Variants in PDE12 observed in about 807,000 individuals in gnomAD.
PDE12 encodes the protein 2',5'-phosphodiesterase 12.
Under a neutral mutation model 45.4 loss-of-function variants are expected in PDE12, and 26 were observed. That is an observed-to-expected ratio of 0.57 (90% confidence interval 0.42 to 0.79). PDE12 has a LOEUF of 0.79. Among genes scored for constraint, PDE12 ranks in the 30% least tolerant of loss-of-function variants. The pLI is 0.00. For missense variants in PDE12, 668 were observed against 790.0 expected, an observed-to-expected ratio of 0.85 and a Z score of 1.85; for synonymous variants, 283 against 323.9, an observed-to-expected ratio of 0.87 and a Z score of 1.36.
At chr3:57,593,374 A>G in the PDE12 span, among the ~76,000 whole-genome samples, 2 of 152,210 alleles carry the variant, frequency 1.3e-5, no homozygotes, top group Non-Finnish European at 2.9e-5. Context: ...TTACATAAAT[A>G]GATGGATTTA....
the PDE12 span, among the ~76,000 whole-genome samples, chr3:57,607,470 G>A: frequency 6.6e-5 from 10 of 152,060 alleles, no homozygotes; most frequent in Non-Finnish European, 1.0e-4. Flanking sequence ...TCAAACCCAC[G>A]CAAAGAAGTA....
At chr3:57,584,930 C>G in the PDE12 span, among the ~76,000 whole-genome samples, 1 of 152,164 alleles carries the variant, frequency 6.6e-6, no homozygotes, top group Non-Finnish European at 1.5e-5. Context: ...GTGGCATGAT[C>G]TCAGCTCACT....
chr3:57,558,732 C>T (rs977432422), intron 1 of PDE12, among the ~76,000 whole-genome samples: 4 of 151,114 alleles, frequency 2.6e-5, no homozygotes, highest in African/African-American at 7.2e-5. Flanking sequence ...CCTCGTGATC[C>T]GCCCGCCTCA....
At chr3:57,652,140 G>A in the PDE12 span, among the ~76,000 whole-genome samples, 22 of 152,182 alleles carry the variant, frequency 1.4e-4, no homozygotes, top group African/African-American at 3.1e-4. Flanking sequence ...GTTCTTGAGC[G>A]CGGACTGGAT....
the PDE12 span, chr3:57,596,782 A>T: frequency 3.0e-6 from 1 of 334,380 alleles, no homozygotes; most frequent in African/African-American, 2.2e-5. Context: ...GGCTTTCCCC[A>T]CATCTCTGCC....
At chr3:57,568,314 G>A (rs567428983), downstream of PDE12, among the ~76,000 whole-genome samples, 38 of 151,742 alleles carry the variant, frequency 2.5e-4, no homozygotes, top group African/African-American at 8.9e-4. Flanking sequence ...AATTAGCCAA[G>A]ACTGATGGCG....
the PDE12 span, chr3:57,597,889 A>G: frequency 1.3e-5 from 2 of 152,316 alleles, no homozygotes; most frequent in Admixed American, 1.3e-4. Context: ...TTTGCGGAGA[A>G]AAGTGGTTAA....
the PDE12 span, among the ~76,000 whole-genome samples, chr3:57,655,430 G>C: frequency 7.2e-5 from 11 of 152,308 alleles, no homozygotes; most frequent in East Asian, 1.9e-3. Context: ...CTAATCAAAG[G>C]TGTTAGTGAT....
At chr3:57,576,699 A>C in the PDE12 span, among the ~76,000 whole-genome samples, 1 of 152,160 alleles carries the variant, frequency 6.6e-6, no homozygotes, top group Admixed American at 6.5e-5. Flanking sequence ...AATCATGACA[A>C]GGATTCTCAG....
the PDE12 span, among the ~76,000 whole-genome samples, chr3:57,613,679 T>A: frequency 6.6e-6 from 1 of 151,504 alleles, no homozygotes; most frequent in Non-Finnish European, 1.5e-5. Flanking sequence ...GGAGGGCGGA[T>A]CACGAGGTCA....
At chr3:57,619,856 T>A in the PDE12 span, among the ~76,000 whole-genome samples, 14 of 148,948 alleles carry the variant, frequency 9.4e-5, no homozygotes, top group Non-Finnish European at 2.1e-4. Context: ...TCTCAAAAAA[T>A]AAATAAATAA....
the PDE12 span, among the ~76,000 whole-genome samples, chr3:57,589,544 CCA>C: frequency 3.3e-5 from 5 of 151,434 alleles, no homozygotes; most frequent in African/African-American, 1.2e-4. Flanking sequence ...GTGGTGAAAC[CCA>C]GTCTCTACTA....
At chr3:57,655,189 C>G in the PDE12 span, among the ~76,000 whole-genome samples, 1 of 152,168 alleles carries the variant, frequency 6.6e-6, no homozygotes. Flanking sequence ...GGCCCGCCAC[C>G]ATGCCCAGCT....
At chr3:57,639,802 A>C in the PDE12 span, among the ~76,000 whole-genome samples, 1 of 152,194 alleles carries the variant, frequency 6.6e-6, no homozygotes, top group Non-Finnish European at 1.5e-5. Context: ...AAGGCTTCTA[A>C]AAATTTCAGT....
At chr3:57,653,264 T>C in the PDE12 span, among the ~76,000 whole-genome samples, 1 of 152,128 alleles carries the variant, frequency 6.6e-6, no homozygotes, top group Admixed American at 6.6e-5. Context: ...AGTTGCAAAT[T>C]ATTGTCTTTC....
the PDE12 span, among the ~76,000 whole-genome samples, chr3:57,589,056 C>T: frequency 6.6e-6 from 1 of 151,056 alleles, no homozygotes; most frequent in Non-Finnish European, 1.5e-5. Flanking sequence ...GAGCTGAGAT[C>T]GCGCCATTAC....
At chr3:57,636,885 C>T in the PDE12 span, among the ~76,000 whole-genome samples, 1 of 143,522 alleles carries the variant, frequency 7.0e-6, no homozygotes, top group Non-Finnish European at 1.5e-5. Context: ...TGCAGTAAGC[C>T]GAGATTGTGT....
the PDE12 span, chr3:57,584,479 T>C: frequency 6.2e-7 from 1 of 1,602,488 alleles, no homozygotes; most frequent in Non-Finnish European, 8.5e-7. Flanking sequence ...AAGAAGACAT[T>C]ATAGATTTAA....
the PDE12 span, among the ~76,000 whole-genome samples, chr3:57,591,471 C>CT: frequency 0.17 from 23,739 of 142,050 alleles, 2,076 homozygotes; most frequent in South Asian, 0.23. Context: ...CTTTTCTTTT[C>CT]TTTTTTTTTT....
Sources: allele counts gnomAD v4.1 joint callset (sites outside exome capture counted in the v4.1 genomes callset), GRCh38; gene constraint gnomAD v4.1.1; transcripts MANE v1.5; gene names NCBI Gene and HGNC (gene_info 2026-07-23, HGNC 2026-07-21).